The following HPSE2 variants were observed in gnomAD, a reference collection of about 807,000 sequenced individuals.
HPSE2 encodes the protein heparanase 2 (inactive).
A neutral mutation model predicts 60.5 loss-of-function variants in HPSE2; 38 were observed. The observed-to-expected ratio is 0.63, with a 90% CI of 0.48 to 0.82. The LOEUF (loss-of-function observed/expected upper bound fraction) is 0.82. HPSE2 is among the 40% of genes least tolerant of loss of function. The pLI, the probability that HPSE2 is intolerant of heterozygous loss-of-function variation, is 0.00. For synonymous variants in HPSE2, 295 were observed against 293.2 expected (o/e 1.01, Z -0.06); for missense variants, 713 against 740.4 (o/e 0.96, Z 0.43).
rs574805549 is a variant in HPSE2 at position 98,913,790 on chromosome 10, A to G, written c.611-169734T>C. ...TGAGATCATCTGCTGTAGAGCTTCA[A>G]AAAATTTAAAAGCAGATTTCTTGAA... On this transcript the variant is annotated intron_variant, in intron 3 of 11. Transcript: ENST00000370552. Among the ~76,000 whole-genome samples, 5 of 152,336 alleles carry G rather than the reference A, an allele frequency of 3.3e-5. No individual in the cohort carries two copies. The South Asian group carries it at 8.3e-4, about 25-fold the overall frequency.
intron 7 of HPSE2, among the ~76,000 whole-genome samples, chr10:98,630,839 G>A (rs938979145): frequency 3.9e-5 from 6 of 152,122 alleles, no homozygotes; most frequent in African/African-American, 1.4e-4. Context: ...AATAATCTCA[G>A]TATCACAAGG....
At chr10:99,214,021 T>C (rs1849037756) in intron 2 of HPSE2, among the ~76,000 whole-genome samples, 1 of 152,038 alleles carries the variant, frequency 6.6e-6, no homozygotes, top group Non-Finnish European at 1.5e-5. Flanking sequence ...AAAAGACAAA[T>C]AAATGAATTT....
At chr10:98,592,863 C>T (rs777601211) in intron 9 of HPSE2, among the ~76,000 whole-genome samples, 2 of 152,112 alleles carry the variant, frequency 1.3e-5, no homozygotes, top group African/African-American at 4.8e-5. Flanking sequence ...ATCTGAGATG[C>T]CATTCTGTCC....
chr10:98,734,013 C>T (rs934863695), intron 4 of HPSE2, among the ~76,000 whole-genome samples: 5 of 152,188 alleles, frequency 3.3e-5, no homozygotes, highest in Admixed American at 1.3e-4. Context: ...CCCCTCACCC[C>T]TCATGGGCTC....
intron 3 of HPSE2, among the ~76,000 whole-genome samples, chr10:99,136,512 T>C (rs942897649): frequency 1.3e-5 from 2 of 152,118 alleles, no homozygotes; most frequent in African/African-American, 4.8e-5. Flanking sequence ...GCAAACCGAA[T>C]CCAGCAGCAC....
intron 3 of HPSE2, among the ~76,000 whole-genome samples, chr10:98,798,636 T>C (rs1950835082): frequency 1.3e-5 from 2 of 152,198 alleles, no homozygotes; most frequent in Non-Finnish European, 2.9e-5. Context: ...TGTTTGTTTA[T>C]ATAATCAGTG....
chr10:98,607,417 T>C (rs1300986747), intron 9 of HPSE2, among the ~76,000 whole-genome samples: 1 of 152,216 alleles, frequency 6.6e-6, no homozygotes, highest in Non-Finnish European at 1.5e-5. Flanking sequence ...GTGATTCACA[T>C]AATGTGCTGT....
chr10:98,476,190 G>A (rs7071073), intron 11 of HPSE2, among the ~76,000 whole-genome samples: 58,479 of 146,972 alleles, frequency 0.4, 12,352 homozygotes, highest in African/African-American at 0.59. Context: ...GGATGAAATT[G>A]GAAATCATCA....
At chr10:98,557,437 T>C (rs368893273) in intron 9 of HPSE2, among the ~76,000 whole-genome samples, 11 of 152,318 alleles carry the variant, frequency 7.2e-5, no homozygotes, top group African/African-American at 2.6e-4. Flanking sequence ...GAAAAATGTT[T>C]ATTGACTCCT....
intron 3 of HPSE2, among the ~76,000 whole-genome samples, chr10:99,118,868 T>G (rs1844821552): frequency 6.6e-6 from 1 of 151,658 alleles, no homozygotes; most frequent in Non-Finnish European, 1.5e-5. Flanking sequence ...AATACAAAAA[T>G]TAGCTGGGCG....
the HPSE2 span, among the ~76,000 whole-genome samples, chr10:99,310,407 G>T: frequency 1.1e-4 from 16 of 152,228 alleles, no homozygotes; most frequent in African/African-American, 3.9e-4. Flanking sequence ...CTGTGTGCAT[G>T]TTATACTTCA....
At chr10:99,182,434 C>T (rs866790243) in intron 2 of HPSE2, among the ~76,000 whole-genome samples, 4 of 152,300 alleles carry the variant, frequency 2.6e-5, no homozygotes, top group Admixed American at 6.5e-5. Context: ...CATTTCTATG[C>T]CTTTAGATGC....
At chr10:98,544,226 G>C (rs10883124) in intron 9 of HPSE2, among the ~76,000 whole-genome samples, 129,654 of 152,230 alleles carry the variant, frequency 0.85, 56,426 homozygotes, top group East Asian at 1. Context: ...GCTCCTGAAT[G>C]ACTACCGGGT....
At chr10:98,990,881 T>C (rs1268703737) in intron 3 of HPSE2, among the ~76,000 whole-genome samples, 1 of 152,154 alleles carries the variant, frequency 6.6e-6, no homozygotes, top group Non-Finnish European at 1.5e-5. Flanking sequence ...ACACAAAATG[T>C]CTTAGTTTAT....
chr10:99,258,651 A>C, the HPSE2 span, among the ~76,000 whole-genome samples: 1 of 152,238 alleles, frequency 6.6e-6, no homozygotes, highest in Non-Finnish European at 1.5e-5. Flanking sequence ...ACAGTAATCA[A>C]GGCAATGTAT....
At chr10:99,284,526 A>G in the HPSE2 span, among the ~76,000 whole-genome samples, 7 of 152,160 alleles carry the variant, frequency 4.6e-5, no homozygotes, top group Admixed American at 4.6e-4. Flanking sequence ...AAACTATAAA[A>G]GTTTCTTAAT....
chr10:98,932,697 A>C (rs1589384983), intron 3 of HPSE2, among the ~76,000 whole-genome samples: 1 of 141,488 alleles, frequency 7.1e-6, no homozygotes, highest in Non-Finnish European at 1.5e-5. Flanking sequence ...TTTCTGGTGC[A>C]GTCTTGGGAG....
intron 2 of HPSE2, among the ~76,000 whole-genome samples, chr10:99,172,252 T>C (rs778081522): frequency 1.3e-5 from 2 of 152,160 alleles, no homozygotes; most frequent in East Asian, 3.9e-4. Context: ...ATTTTTTTTA[T>C]AAGAATTTGT....
At chr10:98,749,194 A>T (rs993027810) in intron 3 of HPSE2, among the ~76,000 whole-genome samples, 1 of 152,160 alleles carries the variant, frequency 6.6e-6, no homozygotes, top group African/African-American at 2.4e-5. Context: ...TATTTCTCTT[A>T]GTTTCCCTAG....
Sources: gnomAD v4.1 joint callset for allele counts (sites outside exome capture counted in the v4.1 genomes callset) on GRCh38, gnomAD v4.1.1 for gene constraint, MANE v1.5 for transcripts, NCBI Gene and HGNC (gene_info 2026-07-23, HGNC 2026-07-21) for gene names.